The following ALDH1A3 variants were observed in gnomAD, a reference collection of about 807,000 sequenced individuals.
ALDH1A3 encodes aldehyde dehydrogenase 1 family member A3.
Under a neutral mutation model 57.5 loss-of-function variants are expected in ALDH1A3, and 28 were observed. The observed-to-expected ratio is 0.49, with a 90% confidence interval of 0.36 to 0.67. The LOEUF (loss-of-function observed/expected upper bound fraction) is 0.67, where lower values mean the gene tolerates loss of function less well. Among genes scored for constraint, ALDH1A3 ranks in the 30% least tolerant of loss-of-function variants. ALDH1A3 has a pLI of 0.00. For synonymous variants in ALDH1A3, 281 were observed against 264.8 expected (o/e 1.06, Z -0.59); for missense variants, 507 against 669.4 (o/e 0.76, Z 2.68).
intron 1 of ALDH1A3, chr15:100,881,244 C>T (rs1325489612): frequency 1.3e-5 from 2 of 152,214 alleles, no homozygotes; most frequent in Non-Finnish European, 2.9e-5. Context: ...GCTCTGTAAT[C>T]AACAAAGACA....
rs748353857 is a variant in ALDH1A3 at position 100,892,953 on chromosome 15, G to A, written c.484G>A (p.Val162Ile). ...ATGTAACCCTCTTCCAGATGACAAC[G>A]TCGTGTGCTTCACCAGGCATGAGCC... The part of the protein sequence containing the change: ...QGKTIPTDDN[V>I]VCFTRHEPIG... Residue 162 changes from valine to isoleucine, a missense_variant, in exon 5 of 13, where the codon GTC (valine) becomes ATC (isoleucine). Coordinates refer to ENST00000329841, the MANE Select transcript of ALDH1A3 (RefSeq NM_000693.4). 1.1e-5 allele frequency: 18 copies of A among 1,613,930 alleles called. No individual in the cohort carries two copies. The highest frequency in any genetic ancestry group is 6.6e-5 in the South Asian group (6 of 91,060).
rs776269724 is a variant in ALDH1A3 at position 100,900,772 on chromosome 15, G to A, written c.1068+13G>A. 8 of 1,612,838 alleles carry A rather than the reference G, an allele frequency of 5.0e-6. 1 individual carries two copies. Among genetic ancestry groups the A allele is most frequent in the South Asian group, 4.4e-5 (4 of 90,772 alleles). On this transcript the variant is annotated intron_variant, in intron 9 of 12. Transcript: ENST00000329841. ...ACAGGGGCCTCAGGTAATCCCCCTG[G>A]TGTGTGTGAAACCATGGTGCTTGTC... is the stretch of plus-strand genomic sequence containing the variant.
intron 12 of ALDH1A3, among the ~76,000 whole-genome samples, chr15:100,909,792 A>G (rs2141574103): frequency 6.6e-6 from 1 of 152,334 alleles, no homozygotes; most frequent in Middle Eastern, 3.4e-3. Context: ...TCCCCAGCTC[A>G]GGATTTTATT....
intron 12 of ALDH1A3, 106 bp downstream of exon 12, chr15:100,908,588 C>T (rs1275077033): frequency 1.2e-5 from 12 of 1,000,910 alleles, no homozygotes; most frequent in South Asian, 5.7e-5. Context: ...GTCCCCCCCA[C>T]ACCGCCGCTC....
chr15:100,893,375 G>A lies in ALDH1A3; in HGVS notation c.537+369G>A, dbSNP rs544984679. The A allele has an allele frequency of 1.5e-3, 283 of 192,594 alleles. 1 individual carries two copies. Among genetic ancestry groups the A allele is most frequent in the Non-Finnish European group, 2.2e-3 (205 of 94,430 alleles). 11.9% of individuals were successfully genotyped at this position (192,594 alleles called of 1,614,324 possible). A position where few individuals can be genotyped will look rare whatever the true frequency, so the allele number is the denominator to read the frequency against. On this transcript the variant is annotated intron_variant, in intron 5 of 12. Transcript: ENST00000329841. The surrounding 1 kb of genome is among the most constrained non-coding windows in gnomAD (Gnocchi z 4.8). Reference sequence around the variant, plus strand: ...CCTAGGCAAAAGTGCAGAGGTGGCTGGGCTACTTGGAAGGGAACAGCAGGA... The same window carrying A: ...CCTAGGCAAAAGTGCAGAGGTGGCTAGGCTACTTGGAAGGGAACAGCAGGA...
At position 100,889,895 on chromosome 15, in the gene ALDH1A3, C is replaced by T. The variant is rs2041632390; in HGVS notation, c.345+2183C>T. Among the ~76,000 whole-genome samples the T allele has an allele frequency of 6.6e-6, 1 of 152,244 alleles. No homozygotes were observed. Among genetic ancestry groups the T allele is most frequent in the Non-Finnish European group, 1.5e-5 (1 of 68,050 alleles). Reference sequence around the variant, plus strand: ...CAAACACGGTTTTTAAAACTCCAACCACATCACAGGAGAGCGCCCCTTGCT... The same window carrying T: ...CAAACACGGTTTTTAAAACTCCAACTACATCACAGGAGAGCGCCCCTTGCT... On this transcript the variant is annotated intron_variant, in intron 3 of 12. Transcript: ENST00000329841. The surrounding 1 kb of genome is among the most constrained non-coding windows in gnomAD (Gnocchi z 5.1).
At chr15:100,883,876 T>C (rs935911935) in intron 1 of ALDH1A3, among the ~76,000 whole-genome samples, 1 of 152,212 alleles carries the variant, frequency 6.6e-6, no homozygotes, top group African/African-American at 2.4e-5. Context: ...CTGTCATCAC[T>C]GGGGAGTCAA....
chr15:100,896,181 G>GT (rs1555454896), intron 7 of ALDH1A3, 135 bp downstream of exon 7: 3 of 655,588 alleles, frequency 4.6e-6, no homozygotes, highest in Non-Finnish European at 7.7e-6. Flanking sequence ...ATAACAACCA[G>GT]TTAAAAAAAG....
chr15:100,914,373 G>A lies in ALDH1A3; in HGVS notation c.1467-328G>A, dbSNP rs142256259. ...ACCCCACCGTCCACCAGGCTCTCTC[G>A]TTTTGCTCTCTATTGCCACCCCAGG... On this transcript the variant is annotated intron_variant, in intron 12 of 12. Coordinates refer to ENST00000329841, the MANE Select transcript of ALDH1A3 (RefSeq NM_000693.4). 110 of 188,784 alleles carry A rather than the reference G, an allele frequency of 5.8e-4. 2 individuals are homozygous for A. Among genetic ancestry groups the A allele is most frequent in the African/African-American group, 2.3e-3 (97 of 42,912 alleles). 11.7% of individuals were successfully genotyped at this position (188,784 alleles called of 1,614,324 possible).
At chr15:100,883,816 C>T (rs936029739) in intron 1 of ALDH1A3, among the ~76,000 whole-genome samples, 1 of 152,174 alleles carries the variant, frequency 6.6e-6, no homozygotes, top group African/African-American at 2.4e-5. Context: ...AAGCCCAATA[C>T]AGAGAATGTA....
Position 100,908,482 on chromosome 15 carries a change from TGTAA to T in ALDH1A3, c.1466+3_1466+6del. 2.5e-6 allele frequency: 4 copies of T among 1,610,764 alleles called. No homozygotes were observed. Among genetic ancestry groups the T allele is most frequent in the Non-Finnish European group, 3.4e-6 (4 of 1,176,948 alleles). On this transcript the variant is annotated splice_donor_variant and splice_donor_region_variant and intron_variant, in intron 12 of 12. Coordinates refer to ENST00000329841, the MANE Select transcript of ALDH1A3 (RefSeq NM_000693.4). LOFTEE classifies it high-confidence loss of function. ...AAAATGTCAGGAAATGGCAGAGAAC[TGTAA>T]GTGTTTCCATCATTCTGAGCCTGCC...
chr15:100,900,091 TAGTC>T (rs1253267738), intron 8 of ALDH1A3, among the ~76,000 whole-genome samples: 8 of 152,262 alleles, frequency 5.3e-5, no homozygotes, highest in Non-Finnish European at 8.8e-5. Flanking sequence ...CTCTGCAACT[TAGTC>T]AGCCCTTCTA....
intron 9 of ALDH1A3, among the ~76,000 whole-genome samples, chr15:100,905,129 C>G (rs1040479283): frequency 1.3e-5 from 2 of 152,162 alleles, no homozygotes; most frequent in Non-Finnish European, 2.9e-5. Context: ...TTCTGAAATT[C>G]AGATTCACTG....
intron 12 of ALDH1A3, among the ~76,000 whole-genome samples, chr15:100,910,900 C>T (rs2041876769): frequency 6.6e-6 from 1 of 152,178 alleles, no homozygotes; most frequent in East Asian, 1.9e-4. Context: ...TACTGCTTTG[C>T]ACTGGTGATT....
intron 12 of ALDH1A3, among the ~76,000 whole-genome samples, chr15:100,910,347 C>T (rs1036544791): frequency 6.6e-6 from 1 of 152,262 alleles, no homozygotes; most frequent in Admixed American, 6.5e-5. Flanking sequence ...CTGTGAGCCC[C>T]TGCTTCATCA....
intron 11 of ALDH1A3, 90 bp from the exon 12 acceptor site, chr15:100,908,318 A>G (rs946452886): frequency 7.5e-6 from 8 of 1,063,800 alleles, no homozygotes; most frequent in African/African-American, 4.8e-5. Flanking sequence ...TTATTAGACA[A>G]TGCCCTGCAC....
At chr15:100,892,836 G>C in intron 4 of ALDH1A3, 109 bp from the exon 5 acceptor site, 1 of 1,379,658 alleles carries the variant, frequency 7.2e-7, no homozygotes, top group Non-Finnish European at 1.0e-6. Flanking sequence ...TAATAGACAA[G>C]ACTTGAATCT....
chr15:100,891,063 G>T (rs758193595), intron 3 of ALDH1A3, among the ~76,000 whole-genome samples: 60 of 152,116 alleles, frequency 3.9e-4, no homozygotes, highest in Non-Finnish European at 7.5e-4. Context: ...GGTGAGGATC[G>T]CCAAGCCCTT....
chr15:100,900,263 G>A (rs566262812), intron 8 of ALDH1A3, among the ~76,000 whole-genome samples: 1 of 152,282 alleles, frequency 6.6e-6, no homozygotes, highest in South Asian at 2.1e-4. Flanking sequence ...GGGAGGGGAG[G>A]GGAGTCCTCT....
Sources: allele counts gnomAD v4.1 joint callset (sites outside exome capture counted in the v4.1 genomes callset), GRCh38; gene constraint gnomAD v4.1.1; non-coding constraint Gnocchi (gnomAD v3.1); transcripts MANE v1.5; gene names NCBI Gene and HGNC (gene_info 2026-07-23, HGNC 2026-07-21).